The following GRIK2 variants were observed in gnomAD, a reference collection of about 807,000 sequenced individuals.
GRIK2 encodes the protein glutamate ionotropic receptor kainate type subunit 2, also known as glutamate receptor ionotropic, kainate 2.
In GRIK2, 32 loss-of-function variants were observed where a neutral mutation model predicts 100.3. That is an observed-to-expected ratio of 0.32 (90% confidence interval 0.24 to 0.43). GRIK2 has a LOEUF of 0.43. Among genes scored for constraint, GRIK2 ranks in the 20% least tolerant of loss-of-function variants. The pLI is 1.00. For synonymous variants in GRIK2, 417 were observed against 389.4 expected (o/e 1.07, Z -0.83); for missense variants, 843 against 1,114.9 (o/e 0.76, Z 3.47).
intron 15 of GRIK2, among the ~76,000 whole-genome samples, chr6:102,036,952 T>C (rs756672691): frequency 3.3e-5 from 5 of 151,414 alleles, no homozygotes; most frequent in Admixed American, 1.3e-4. Context: ...TTTGGACCTT[T>C]ACTTTTGCAA....
chr6:101,463,109 A>G (rs1771424295), intron 2 of GRIK2, among the ~76,000 whole-genome samples: 1 of 152,184 alleles, frequency 6.6e-6, no homozygotes, highest in Non-Finnish European at 1.5e-5. Context: ...GTTTTGCTTG[A>G]AATTTGAATT....
At position 102,069,276 on chromosome 6, in the gene GRIK2, T is replaced by A. The variant is rs1213494475; in HGVS notation, c.*765T>A. The A allele has an allele frequency of 1.4e-5, 2 of 145,678 alleles. No individual in the cohort carries two copies. The highest frequency in any genetic ancestry group is 3.0e-5 in the Non-Finnish European group (2 of 66,898). 9.0% of individuals were successfully genotyped at this position (145,678 alleles called of 1,614,324 possible). ...CCCTTCCTATTCCCCCAACACCTTT[T>A]CTCTAACCCCCATATCCCAAATAAT... On this transcript the variant is annotated 3_prime_UTR_variant, in exon 17 of 17. Coordinates refer to ENST00000369134, the MANE Select transcript of GRIK2 (RefSeq NM_021956.5).
chr6:101,463,547 T>A (rs2128253083), intron 2 of GRIK2, among the ~76,000 whole-genome samples: 1 of 152,340 alleles, frequency 6.6e-6, no homozygotes, highest in South Asian at 2.1e-4. Flanking sequence ...CTCAGTTGGA[T>A]TGTGGCAACA....
chr6:102,013,305 G>T (rs73500530), intron 14 of GRIK2, among the ~76,000 whole-genome samples: 12 of 152,056 alleles, frequency 7.9e-5, no homozygotes, highest in African/African-American at 2.9e-4. Flanking sequence ...CCTTGCTGAG[G>T]TTGTTTACCA....
chr6:101,880,182 A>C (rs1467608847), intron 11 of GRIK2, among the ~76,000 whole-genome samples: 1 of 152,090 alleles, frequency 6.6e-6, no homozygotes, highest in African/African-American at 2.4e-5. Context: ...CAGTGACCTG[A>C]ATATTTGGTT....
chr6:101,926,195 GTTTTTTTT>G (rs35007201), intron 13 of GRIK2, among the ~76,000 whole-genome samples: 2 of 127,580 alleles, frequency 1.6e-5, no homozygotes, highest in African/African-American at 3.0e-5. Context: ...GGGTCCAAGG[GTTTTTTTT>G]TTTTTTTTTT....
intron 7 of GRIK2, among the ~76,000 whole-genome samples, chr6:101,731,768 G>A (rs1775288560): frequency 6.6e-6 from 1 of 151,944 alleles, no homozygotes; most frequent in Non-Finnish European, 1.5e-5. Flanking sequence ...ACAAAAAAGA[G>A]TATGAAAGTC....
intron 7 of GRIK2, among the ~76,000 whole-genome samples, chr6:101,767,444 A>G (rs2128395245): frequency 6.6e-6 from 1 of 152,318 alleles, no homozygotes; most frequent in African/African-American, 2.4e-5. Flanking sequence ...AGATATACTT[A>G]ATATGACAGT....
chr6:101,668,673 G>A (rs1019086583), intron 4 of GRIK2, among the ~76,000 whole-genome samples: 81 of 152,262 alleles, frequency 5.3e-4, no homozygotes, highest in Middle Eastern at 3.4e-3. Flanking sequence ...CATAAAGACT[G>A]ACTGAAATGA....
intron 14 of GRIK2, among the ~76,000 whole-genome samples, chr6:101,931,306 A>G (rs980754259): frequency 6.6e-6 from 1 of 152,072 alleles, no homozygotes; most frequent in Non-Finnish European, 1.5e-5. Flanking sequence ...TTCATTTTTC[A>G]TTTAACAGCC....
chr6:101,634,839 T>C (rs1346129949), intron 4 of GRIK2, among the ~76,000 whole-genome samples: 3 of 152,008 alleles, frequency 2.0e-5, no homozygotes, highest in African/African-American at 7.2e-5. Flanking sequence ...ACACAAACAC[T>C]TTCTTAAAAC....
chr6:101,500,640 C>T (rs545900930), intron 2 of GRIK2, among the ~76,000 whole-genome samples: 2 of 151,904 alleles, frequency 1.3e-5, no homozygotes, highest in Non-Finnish European at 2.9e-5. Context: ...TTGGTAGTAC[C>T]CTTGTCTTCT....
chr6:101,647,761 T>C (rs1781599304), intron 4 of GRIK2, among the ~76,000 whole-genome samples: 1 of 152,080 alleles, frequency 6.6e-6, no homozygotes. Flanking sequence ...TAAAGTTCAA[T>C]ATTAGAAAAT....
At chr6:101,500,740 AT>A (rs1773706953) in intron 2 of GRIK2, among the ~76,000 whole-genome samples, 1 of 152,044 alleles carries the variant, frequency 6.6e-6, no homozygotes, top group African/African-American at 2.4e-5. Context: ...AAAGACTTGT[AT>A]TTATGTTTAT....
intron 12 of GRIK2, 41 bp downstream of exon 12, chr6:101,889,904 C>T (rs775751402): frequency 1.9e-6 from 2 of 1,041,010 alleles, no homozygotes; most frequent in Non-Finnish European, 3.0e-6. Flanking sequence ...CAATTGTTAC[C>T]TCCTTTATCT....
intron 4 of GRIK2, among the ~76,000 whole-genome samples, chr6:101,665,783 CT>C (rs1181856273): frequency 6.6e-6 from 1 of 152,044 alleles, no homozygotes; most frequent in African/African-American, 2.4e-5. Context: ...ATGGGATTTT[CT>C]AAAATGTTGG....
intron 2 of GRIK2, among the ~76,000 whole-genome samples, chr6:101,431,953 T>G (rs1300093252): frequency 6.6e-6 from 1 of 152,168 alleles, no homozygotes; most frequent in Non-Finnish European, 1.5e-5. Flanking sequence ...CAAAACATTA[T>G]GCCTCATTAG....
chr6:101,783,740 C>G (rs970804341), intron 7 of GRIK2, among the ~76,000 whole-genome samples: 2 of 152,120 alleles, frequency 1.3e-5, no homozygotes, highest in African/African-American at 2.4e-5. Flanking sequence ...AGATGAAGAA[C>G]TTGCTGGGAA....
intron 2 of GRIK2, among the ~76,000 whole-genome samples, chr6:101,427,404 A>C (rs1046593756): frequency 2.6e-5 from 4 of 152,176 alleles, no homozygotes; most frequent in African/African-American, 9.7e-5. Context: ...TTTCATAGTT[A>C]ACTTTATCCA....
Sources: gnomAD v4.1 joint callset for allele counts (sites outside exome capture counted in the v4.1 genomes callset) on GRCh38, gnomAD v4.1.1 for gene constraint, MANE v1.5 for transcripts, NCBI Gene and HGNC (gene_info 2026-07-23, HGNC 2026-07-21) for gene names.